Variants in PGS1 observed in about 807,000 individuals in gnomAD.
The protein encoded by PGS1 is CDP-diacylglycerol--glycerol-3-phosphate 3-phosphatidyltransferase, mitochondrial.
Under a neutral mutation model 58.3 loss-of-function variants are expected in PGS1, and 44 were observed. That is an observed-to-expected ratio of 0.75 (90% CI 0.59 to 0.97). The LOEUF (loss-of-function observed/expected upper bound fraction) is 0.97. Among genes scored for constraint, PGS1 ranks in the 50% least tolerant of loss-of-function variants. PGS1 has a pLI of 0.00. For synonymous variants in PGS1, 330 were observed against 311.0 expected (o/e 1.06, Z -0.64); for missense variants, 684 against 731.1 (o/e 0.94, Z 0.74).
rs989316563 is a variant in PGS1 at position 78,424,394 on chromosome 17, G to A, written c.*344G>A. 4.3e-5 allele frequency: 20 copies of A among 469,788 alleles called. 1 individual carries two copies. The highest frequency in any genetic ancestry group is 1.3e-4 in the African/African-American group (7 of 52,106). 29.1% of individuals were successfully genotyped at this position (469,788 alleles called of 1,614,324 possible). On this transcript the variant is annotated 3_prime_UTR_variant, in exon 10 of 10. Transcript: ENST00000262764. ...CAGCTAAAGCCCTCGGGTTCCATCC[G>A]TTTAAATCTGTGGCATTTTCAGAGC...
At chr17:78,405,770 C>G (rs919637184) in intron 7 of PGS1, among the ~76,000 whole-genome samples, 3 of 152,172 alleles carry the variant, frequency 2.0e-5, no homozygotes, top group Non-Finnish European at 4.4e-5. Context: ...ATGAGTACAT[C>G]CCACGGCTTT....
chr17:78,379,053 C>T (rs991288809), intron 1 of PGS1, among the ~76,000 whole-genome samples: 7 of 152,170 alleles, frequency 4.6e-5, no homozygotes, highest in Non-Finnish European at 7.3e-5. Flanking sequence ...CCTGCGCAGC[C>T]CGGCCAGTCC....
chr17:78,406,009 GA>G (rs935324470), intron 7 of PGS1, among the ~76,000 whole-genome samples: 3 of 152,072 alleles, frequency 2.0e-5, no homozygotes, highest in Non-Finnish European at 1.5e-5. Flanking sequence ...TCAATTGGGG[GA>G]TGCGTTGTAA....
At position 78,392,578 on chromosome 17, in the gene PGS1, G is replaced by A. The variant is rs761547510; in HGVS notation, c.246G>A (p.Trp82Ter). ...CAGAAGGCGTGCACCGGTTCCAGTG[G>A]ATCAGAAACCTGGTTCCAGAATTTG... The part of the protein sequence containing the change: ...LCPEGVHRFQ[W>*]IRNLVPEFGV... Residue 82 changes from tryptophan (W) to a stop codon, truncating the protein, a stop_gained, in exon 2 of 10, where the codon TGG becomes TGA. Coordinates refer to ENST00000262764, the MANE Select transcript of PGS1 (RefSeq NM_024419.5). LOFTEE classifies it high-confidence loss of function. 1.1e-5 allele frequency: 17 copies of A among 1,614,010 alleles called. No individual in the cohort carries two copies. Among genetic ancestry groups the A allele is most frequent in the Non-Finnish European group, 8.5e-7 (1 of 1,179,966 alleles).
At position 78,403,691 on chromosome 17, in the gene PGS1, A is replaced by G. The variant is rs773205813; in HGVS notation, c.1004A>G (p.Glu335Gly). The G allele has an allele frequency of 3.1e-6, 5 of 1,614,202 alleles. No homozygotes were observed. The East Asian group carries it at 1.1e-4, about 36-fold the overall frequency. ...CACAGCAACTCTCTTTTGACCCAGG[A>G]AGATGCAGCAGCTGCTGGGGATCGC... Reference protein sequence around the residue: ...TFHSNSLLTQEDAAAAGDRRP... With the variant: ...TFHSNSLLTQGDAAAAGDRRP... Residue 335 changes from glutamate to glycine, a missense_variant, in exon 7 of 10, where the codon GAA becomes GGA. By Grantham distance (98) the Glu-to-Gly change is moderately conservative. Coordinates refer to ENST00000262764, the MANE Select transcript of PGS1 (RefSeq NM_024419.5).
chr17:78,404,038 C>T lies in PGS1; in HGVS notation c.1351C>T (p.Arg451Trp), dbSNP rs765768452. 7.5e-6 allele frequency: 12 copies of T among 1,609,130 alleles called. No homozygotes were observed. The highest frequency in any genetic ancestry group is 6.7e-5 in the African/African-American group (5 of 74,862). Residue 451 changes from arginine (R) to tryptophan (W), a missense_variant, in exon 7 of 10, where the codon CGG (arginine) becomes TGG (tryptophan). Coordinates refer to ENST00000262764, the MANE Select transcript of PGS1 (RefSeq NM_024419.5). ...SEVCSLGQQE[R>W]VQLQEYWRRG... is the part of the protein sequence containing the mutation. ...GGTGTGCAGCCTGGGACAGCAGGAG[C>T]GGGTCCAGCTTCAGGAGTACTGGCG...
intron 8 of PGS1, among the ~76,000 whole-genome samples, chr17:78,417,992 C>T (rs1029878527): frequency 7.4e-5 from 11 of 148,574 alleles, no homozygotes; most frequent in Middle Eastern, 7.0e-3. Context: ...TGCAGTGGCA[C>T]GATCTCGGCT....
At chr17:78,379,727 CCT>C (rs1159061509) in intron 1 of PGS1, among the ~76,000 whole-genome samples, 1 of 151,536 alleles carries the variant, frequency 6.6e-6, no homozygotes, top group Non-Finnish European at 1.5e-5. Context: ...GGAGGCTGAC[CCT>C]GAGGCAGGAG....
chr17:78,423,386 G>A (rs1382316733), intron 9 of PGS1, among the ~76,000 whole-genome samples: 1 of 152,154 alleles, frequency 6.6e-6, no homozygotes, highest in Non-Finnish European at 1.5e-5. Context: ...AGGTCCTGTT[G>A]TTTTTGGGAG....
intron 8 of PGS1, among the ~76,000 whole-genome samples, chr17:78,416,532 T>TC (rs1368233915): frequency 1.3e-5 from 2 of 151,916 alleles, no homozygotes; most frequent in East Asian, 3.9e-4. Context: ...CTGACCGTCC[T>TC]CCCCCACTGC....
chr17:78,387,570 A>G (rs1412761419), intron 1 of PGS1, among the ~76,000 whole-genome samples: 4 of 140,652 alleles, frequency 2.8e-5, no homozygotes, highest in Non-Finnish European at 6.1e-5. Context: ...AAGTGTTGGG[A>G]TTACAGGTGT....
At chr17:78,410,046 G>T (rs939152525) in intron 7 of PGS1, among the ~76,000 whole-genome samples, 4 of 152,208 alleles carry the variant, frequency 2.6e-5, no homozygotes. Flanking sequence ...GGGAGACGGA[G>T]GTTGCAGTGA....
chr17:78,386,416 A>C (rs1414751143), intron 1 of PGS1, among the ~76,000 whole-genome samples: 2 of 152,136 alleles, frequency 1.3e-5, no homozygotes, highest in Non-Finnish European at 2.9e-5. Context: ...CAGAGAGGCA[A>C]GGGTGGCAGA....
chr17:78,419,836 GTTAGAAGCTGGATGCTAAA>G, intron 9 of PGS1, 161 bp downstream of exon 9: 1 of 1,407,034 alleles, frequency 7.1e-7, no homozygotes. Context: ...TGTCCTCAAA[GTTAGAAGCTGGATGCTAAA>G]TTAGGCAGTC....
chr17:78,384,856 C>G (rs775110257), intron 1 of PGS1, among the ~76,000 whole-genome samples: 1 of 152,222 alleles, frequency 6.6e-6, no homozygotes, highest in Admixed American at 6.5e-5. Flanking sequence ...TCTCTGACAC[C>G]GGGAGAAGAT....
chr17:78,380,852 CTTTT>C (rs891331092), intron 1 of PGS1: 2 of 146,154 alleles, frequency 1.4e-5, no homozygotes. Flanking sequence ...TTTTCTTTTT[CTTTT>C]TTTTTTTGAG....
At chr17:78,384,928 C>G (rs955478983) in intron 1 of PGS1, among the ~76,000 whole-genome samples, 3 of 152,158 alleles carry the variant, frequency 2.0e-5, no homozygotes, top group African/African-American at 7.2e-5. Context: ...GTTTGCTTGT[C>G]TTCAGTGGCA....
intron 1 of PGS1, 118 bp downstream of exon 1, chr17:78,378,926 G>A: frequency 8.6e-7 from 1 of 1,163,626 alleles, no homozygotes; most frequent in East Asian, 3.2e-5. Flanking sequence ...CCCGGTTTCC[G>A]GGCCCATTTC....
chr17:78,397,539 C>T (rs534688003), intron 3 of PGS1, among the ~76,000 whole-genome samples: 151 of 151,992 alleles, frequency 9.9e-4, no homozygotes, highest in African/African-American at 3.5e-3. Flanking sequence ...TGGGTTGAAG[C>T]GATTCTCCTG....
Sources: gnomAD v4.1 joint callset for allele counts (sites outside exome capture counted in the v4.1 genomes callset) on GRCh38, gnomAD v4.1.1 for gene constraint, MANE v1.5 for transcripts, NCBI Gene and HGNC (gene_info 2026-07-23, HGNC 2026-07-21) for gene names.